Variants in ADAMTS9 observed in about 807,000 individuals in gnomAD.
The protein encoded by ADAMTS9 is A disintegrin and metalloproteinase with thrombospondin motifs 9.
ADAMTS9 carries 107 observed loss-of-function variants against 257.1 expected under a neutral mutation model. The observed-to-expected ratio is 0.42, with a 90% CI of 0.36 to 0.49. ADAMTS9 has a LOEUF of 0.49. Among genes scored for constraint, ADAMTS9 ranks in the 20% least tolerant of loss-of-function variants. The pLI is 0.03. For synonymous variants in ADAMTS9, 982 were observed against 880.9 expected (o/e 1.11, Z -2.03); for missense variants, 2,353 against 2,469.1 (o/e 0.95, Z 1.00).
intron 32 of ADAMTS9, among the ~76,000 whole-genome samples, chr3:64,542,862 C>T (rs1417732433): frequency 1.3e-5 from 2 of 151,602 alleles, no homozygotes; most frequent in African/African-American, 2.4e-5. Context: ...AATTGATAGA[C>T]CACTAGCAAG....
intron 16 of ADAMTS9, among the ~76,000 whole-genome samples, chr3:64,628,267 C>T (rs1700276105): frequency 6.6e-6 from 1 of 152,186 alleles, no homozygotes; most frequent in African/African-American, 2.4e-5. Flanking sequence ...TCAGGAGGCC[C>T]TCCCTGAATT....
intron 3 of ADAMTS9, among the ~76,000 whole-genome samples, chr3:64,677,926 T>C (rs1195477019): frequency 1.3e-5 from 2 of 152,222 alleles, no homozygotes; most frequent in Admixed American, 1.3e-4. Flanking sequence ...AAAGTTTTCA[T>C]TGCAGTAGAC....
At chr3:64,680,391 C>T (rs1247464950) in intron 3 of ADAMTS9, among the ~76,000 whole-genome samples, 1 of 152,060 alleles carries the variant, frequency 6.6e-6, no homozygotes, top group East Asian at 1.9e-4. Context: ...CACGAACATC[C>T]TAAGACGCAG....
In ADAMTS9 at chr3:64,603,372, T is replaced by C. The variant is rs537204493; in HGVS notation, c.3747+550A>G. Among the ~76,000 whole-genome samples the C allele has an allele frequency of 2.6e-5, 4 of 152,174 alleles. No homozygotes were observed. The East Asian group carries it at 5.8e-4, about 22-fold the overall frequency. ...TGTATTTCTTGAACTCTGGGCTTTT[T>C]GCAGGGCAGAAAACAAGAAGCTGCC... On this transcript the variant is annotated intron_variant, in intron 25 of 39. Coordinates refer to ENST00000498707, the MANE Select transcript of ADAMTS9 (RefSeq NM_182920.2).
Position 64,687,029 on chromosome 3 carries a change from A to C in ADAMTS9, c.116-61T>G. ...TCATTTTTCCTTAAGCTTTAATTTA[A>C]AACGAAGGTGGGGACTTTGTTCTGA... On this transcript the variant is annotated intron_variant, in intron 1 of 39. Coordinates refer to ENST00000498707, the MANE Select transcript of ADAMTS9 (RefSeq NM_182920.2). This position sits in a 1 kb window ranked among gnomAD's most constrained non-coding sequence, Gnocchi z 4.4. 1 of 1,545,560 alleles carries C rather than the reference A, an allele frequency of 6.5e-7. No individual in the cohort carries two copies. The highest frequency in any genetic ancestry group is 1.3e-5 in the South Asian group (1 of 78,766).
chr3:64,642,925 G>A (rs911630310), intron 11 of ADAMTS9, among the ~76,000 whole-genome samples: 9 of 152,196 alleles, frequency 5.9e-5, no homozygotes, highest in African/African-American at 1.9e-4. Context: ...GGAAAAAGAA[G>A]AGGTAGGTGA....
At chr3:64,557,336 C>G (rs1349344528) in intron 30 of ADAMTS9, among the ~76,000 whole-genome samples, 3 of 152,172 alleles carry the variant, frequency 2.0e-5, no homozygotes, top group Admixed American at 6.5e-5. Context: ...CCAGAAGGAC[C>G]TCTGCTGCTC....
chr3:64,667,007 G>C (rs953615195), intron 3 of ADAMTS9, among the ~76,000 whole-genome samples: 4 of 152,098 alleles, frequency 2.6e-5, no homozygotes, highest in African/African-American at 9.7e-5. Flanking sequence ...ACAAATAATA[G>C]TGTGAGCTGT....
Position 64,602,181 on chromosome 3 carries a change from G to A in ADAMTS9, c.3780C>T (p.Thr1260=), listed in dbSNP as rs61754852. 5.8e-3 allele frequency: 9,354 copies of A among 1,613,974 alleles called. 66 individuals carry two copies. Among genetic ancestry groups the A allele is most frequent in the Middle Eastern group, 0.025 (149 of 6,016 alleles). ...CSVTCGQGRA[T]RQVMCVNYSD... ...TGTAGTTGACACACATCACTTGCCG[G>A]GTTGCCCTACCTTGCCCACAGGTCA... Residue 1260 remains threonine, a synonymous_variant, in exon 26 of 40, where the codon ACC becomes ACT. Transcript: ENST00000498707.
chr3:64,671,628 G>T (rs1340767553), intron 3 of ADAMTS9, among the ~76,000 whole-genome samples: 1 of 152,054 alleles, frequency 6.6e-6, no homozygotes. Context: ...TGTCATATAG[G>T]AATTGGGAAT....
chr3:64,559,004 T>C (rs1010533526), intron 30 of ADAMTS9, among the ~76,000 whole-genome samples: 20 of 152,020 alleles, frequency 1.3e-4, no homozygotes, highest in African/African-American at 4.3e-4. Flanking sequence ...GGCAGCAAGA[T>C]CGGAGGTGAG....
intron 38 of ADAMTS9, among the ~76,000 whole-genome samples, chr3:64,529,332 A>G (rs2106884795): frequency 6.6e-6 from 1 of 152,318 alleles, no homozygotes; most frequent in African/African-American, 2.4e-5. Context: ...CTGGAGATCT[A>G]GTTTTACCTG....
intron 39 of ADAMTS9, among the ~76,000 whole-genome samples, chr3:64,520,501 G>A (rs1337988426): frequency 6.6e-6 from 1 of 152,110 alleles, no homozygotes; most frequent in Admixed American, 6.6e-5. Flanking sequence ...TAAGCAAAAA[G>A]AACGAAGCCA....
At chr3:64,573,564 A>C (rs766900493) in intron 28 of ADAMTS9, among the ~76,000 whole-genome samples, 1 of 152,238 alleles carries the variant, frequency 6.6e-6, no homozygotes, top group Non-Finnish European at 1.5e-5. Flanking sequence ...TTGTGAGTCT[A>C]CAGACTATGA....
At chr3:64,638,033 T>G (rs893448242) in intron 12 of ADAMTS9, among the ~76,000 whole-genome samples, 1 of 152,210 alleles carries the variant, frequency 6.6e-6, no homozygotes, top group Non-Finnish European at 1.5e-5. Flanking sequence ...ATGTCTTAAA[T>G]ATGTTTTTAA....
chr3:64,576,704 C>T lies in ADAMTS9; in HGVS notation c.4357-8169G>A, dbSNP rs547009032. ...ATGTGGGAGTCACGGTCATCCCAGCCGGATGGGGCATTAGGCCATCCTCCC... is the reference window on the plus strand; with the variant it reads ...ATGTGGGAGTCACGGTCATCCCAGCTGGATGGGGCATTAGGCCATCCTCCC... On this transcript the variant is annotated intron_variant, in intron 28 of 39. Transcript: ENST00000498707. Among the ~76,000 whole-genome samples the T allele has an allele frequency of 3.3e-5, 5 of 152,270 alleles. No homozygotes were observed. The South Asian group carries it at 8.3e-4, about 25-fold the overall frequency.
At chr3:64,643,620 A>AT (rs1288771555) in intron 11 of ADAMTS9, among the ~76,000 whole-genome samples, 4 of 151,322 alleles carry the variant, frequency 2.6e-5, no homozygotes, top group African/African-American at 9.7e-5. Context: ...GCTCAGCTAA[A>AT]TTTTTTTATC....
chr3:64,584,343 A>G (rs1294334698), intron 28 of ADAMTS9, among the ~76,000 whole-genome samples: 4 of 152,092 alleles, frequency 2.6e-5, no homozygotes, highest in African/African-American at 9.7e-5. Context: ...GAGGCCTTTC[A>G]GTTTAGCTGC....
At chr3:64,601,813 A>T (rs991009841) in intron 26 of ADAMTS9, 131 bp downstream of exon 26, 1 of 1,141,912 alleles carries the variant, frequency 8.8e-7, no homozygotes, top group Non-Finnish European at 1.2e-6. Context: ...AAGTTACTCA[A>T]AGCAAATGAA....
Sources: allele counts gnomAD v4.1 joint callset (sites outside exome capture counted in the v4.1 genomes callset), GRCh38; gene constraint gnomAD v4.1.1; non-coding constraint Gnocchi (gnomAD v3.1); transcripts MANE v1.5; gene names NCBI Gene and HGNC (gene_info 2026-07-23, HGNC 2026-07-21).